Variants in LDB2 observed in about 807,000 individuals in gnomAD.
LDB2 encodes LIM domain binding 2, also known as LIM domain-binding protein 2.
Under a neutral mutation model 44.3 loss-of-function variants are expected in LDB2, and 12 were observed. That is an observed-to-expected ratio of 0.27 (90% confidence interval 0.17 to 0.44). The LOEUF (loss-of-function observed/expected upper bound fraction) is 0.44. Ranked by LOEUF, LDB2 falls within the 20% of genes least tolerant of loss-of-function variation. The probability of loss-of-function intolerance (pLI) is 1.00; values close to 1 mark genes in which losing one functional copy is unlikely to be tolerated. For missense variants in LDB2, 344 were observed against 473.5 expected (o/e 0.73, Z 2.54); for synonymous variants, 164 against 174.8 (o/e 0.94, Z 0.49).
At chr4:16,541,473 TTTC>T (rs2152325594) in intron 5 of LDB2, among the ~76,000 whole-genome samples, 1 of 152,282 alleles carries the variant, frequency 6.6e-6, no homozygotes, top group East Asian at 1.9e-4. Flanking sequence ...TTGGACCTCT[TTTC>T]TTCGTAAATT....
intron 3 of LDB2, among the ~76,000 whole-genome samples, chr4:16,591,732 AAT>A (rs1173944490): frequency 1.3e-5 from 2 of 152,170 alleles, no homozygotes; most frequent in African/African-American, 4.8e-5. Flanking sequence ...AATAAGAAAA[AAT>A]ATATATGTAT....
At chr4:16,566,273 ATATAT>A (rs1431904429) in intron 5 of LDB2, among the ~76,000 whole-genome samples, 1 of 152,138 alleles carries the variant, frequency 6.6e-6, no homozygotes, top group African/African-American at 2.4e-5. Flanking sequence ...AGATGCTAAC[ATATAT>A]TATAAAGAAA....
At chr4:16,849,785 A>T (rs1450131216) in intron 1 of LDB2, among the ~76,000 whole-genome samples, 5 of 152,184 alleles carry the variant, frequency 3.3e-5, no homozygotes, top group Admixed American at 3.3e-4. Flanking sequence ...CCCTGGGTGG[A>T]GGGTTCTGCC....
chr4:16,566,893 A>G (rs1744719122), intron 5 of LDB2, among the ~76,000 whole-genome samples: 1 of 152,186 alleles, frequency 6.6e-6, no homozygotes, highest in Non-Finnish European at 1.5e-5. Flanking sequence ...ATGAGAAGAT[A>G]ATAAATATCT....
chr4:16,779,033 T>C (rs1042210648), intron 1 of LDB2, among the ~76,000 whole-genome samples: 4 of 152,218 alleles, frequency 2.6e-5, no homozygotes, highest in African/African-American at 2.4e-5. Flanking sequence ...ATGCATTGTT[T>C]TCACAAACCT....
At chr4:16,648,871 T>G (rs1415236997) in intron 2 of LDB2, among the ~76,000 whole-genome samples, 3 of 152,164 alleles carry the variant, frequency 2.0e-5, no homozygotes, top group African/African-American at 4.8e-5. Flanking sequence ...CACACATGAT[T>G]AATTCACAGA....
chr4:16,733,297 C>T (rs1024044338), intron 2 of LDB2, among the ~76,000 whole-genome samples: 9 of 151,626 alleles, frequency 5.9e-5, no homozygotes, highest in African/African-American at 1.9e-4. Context: ...GGAGAAGATG[C>T]TGTGAGCAGG....
chr4:16,766,801 C>G (rs1467353358), intron 1 of LDB2, among the ~76,000 whole-genome samples: 1 of 151,894 alleles, frequency 6.6e-6, no homozygotes, highest in Non-Finnish European at 1.5e-5. Context: ...CGTGCTTGGC[C>G]CCAATTTATA....
chr4:16,753,316 A>T (rs1028380416), intron 2 of LDB2, among the ~76,000 whole-genome samples: 1 of 152,194 alleles, frequency 6.6e-6, no homozygotes, highest in Non-Finnish European at 1.5e-5. Context: ...AGAAACAGAA[A>T]CCGGAGATAG....
chr4:16,869,347 G>C (rs1043171482), intron 1 of LDB2, among the ~76,000 whole-genome samples: 4 of 151,262 alleles, frequency 2.6e-5, no homozygotes, highest in African/African-American at 9.7e-5. Context: ...TTTTGGGAAA[G>C]GTGCTATGCT....
intron 5 of LDB2, among the ~76,000 whole-genome samples, chr4:16,541,003 A>G (rs1182461612): frequency 6.6e-6 from 1 of 152,230 alleles, no homozygotes; most frequent in Non-Finnish European, 1.5e-5. Context: ...ATAAGGATTG[A>G]TTACATAATG....
At chr4:16,883,812 C>G (rs193240423) in intron 1 of LDB2, among the ~76,000 whole-genome samples, 1 of 152,160 alleles carries the variant, frequency 6.6e-6, no homozygotes, top group East Asian at 1.9e-4. Flanking sequence ...GGCCGCTAAA[C>G]GATTCATGGC....
intron 1 of LDB2, among the ~76,000 whole-genome samples, chr4:16,871,649 T>C (rs1347650561): frequency 2.7e-5 from 4 of 145,706 alleles, no homozygotes; most frequent in African/African-American, 1.0e-4. Flanking sequence ...AGACAGACTC[T>C]CGCTCTGTCA....
chr4:16,634,397 G>A (rs1732956163), intron 2 of LDB2, among the ~76,000 whole-genome samples: 2 of 150,332 alleles, frequency 1.3e-5, no homozygotes, highest in Admixed American at 1.3e-4. Context: ...CTATCCATCT[G>A]ACAGAGGGCT....
chr4:16,640,740 G>A (rs1442935732), intron 2 of LDB2, among the ~76,000 whole-genome samples: 1 of 152,178 alleles, frequency 6.6e-6, no homozygotes, highest in Non-Finnish European at 1.5e-5. Context: ...GTAATTGACA[G>A]ATACAGGATC....
intron 5 of LDB2, among the ~76,000 whole-genome samples, chr4:16,552,120 T>C (rs892968791): frequency 2.0e-5 from 3 of 152,186 alleles, no homozygotes; most frequent in Admixed American, 6.5e-5. Flanking sequence ...TGTTGGTTTG[T>C]ATTATATTTT....
At chr4:16,846,998 T>G (rs1386127073) in intron 1 of LDB2, among the ~76,000 whole-genome samples, 1 of 152,212 alleles carries the variant, frequency 6.6e-6, no homozygotes, top group Non-Finnish European at 1.5e-5. Context: ...AAGACTCCAC[T>G]CTATTTTAAT....
At chr4:16,869,855 T>C (rs1177045420) in intron 1 of LDB2, among the ~76,000 whole-genome samples, 3 of 152,194 alleles carry the variant, frequency 2.0e-5, no homozygotes, top group Admixed American at 2.0e-4. Flanking sequence ...CTGTTTTAGG[T>C]TGCAAATTTG....
Position 16,592,811 on chromosome 4 carries a change from T to C in LDB2, c.408+2892A>G, listed in dbSNP as rs966432569. On this transcript the variant is annotated intron_variant, in intron 3 of 7. Transcript: ENST00000304523. ...CATAACTTTGTTTCAGTGTGTAAAATCTAAAATTAACCCCAAGAATGTACC... is the reference window on the plus strand; with the variant it reads ...CATAACTTTGTTTCAGTGTGTAAAACCTAAAATTAACCCCAAGAATGTACC... 1.1e-4 allele frequency among the ~76,000 whole-genome samples: 17 copies of C among 152,078 alleles called. No individual in the cohort carries two copies. In the East Asian group the frequency reaches 1.9e-3, roughly 17 times the overall value.
Sources: allele counts gnomAD v4.1 joint callset (sites outside exome capture counted in the v4.1 genomes callset), GRCh38; gene constraint gnomAD v4.1.1; transcripts MANE v1.5; gene names NCBI Gene and HGNC (gene_info 2026-07-23, HGNC 2026-07-21).